The following CACNG2 variants were observed in gnomAD, a reference collection of about 807,000 sequenced individuals.
CACNG2 encodes calcium voltage-gated channel auxiliary subunit gamma 2.
CACNG2 carries 3 observed loss-of-function variants against 25.9 expected under a neutral mutation model. That is an observed-to-expected ratio of 0.12 (90% CI 0.05 to 0.30). The LOEUF is 0.30. Ranked by LOEUF, CACNG2 falls within the 10% of genes least tolerant of loss-of-function variation. CACNG2 has a pLI of 1.00. For synonymous variants in CACNG2, 167 were observed against 173.3 expected (o/e 0.96, Z 0.29); for missense variants, 341 against 432.5 (o/e 0.79, Z 1.88).
intron 1 of CACNG2, among the ~76,000 whole-genome samples, chr22:36,594,862 A>C (rs1292632884): frequency 1.5e-5 from 2 of 129,978 alleles, no homozygotes; most frequent in African/African-American, 3.0e-5. Flanking sequence ...GTGTGTGTGC[A>C]TGGGTGTTTG....
chr22:36,649,758 G>C (rs751043669), intron 1 of CACNG2, among the ~76,000 whole-genome samples: 31 of 152,156 alleles, frequency 2.0e-4, no homozygotes, highest in Admixed American at 9.8e-4. Context: ...TAAGTTTCAC[G>C]AGATATGGTG....
intron 1 of CACNG2, among the ~76,000 whole-genome samples, chr22:36,593,184 G>C (rs777956114): frequency 6.6e-6 from 1 of 152,210 alleles, no homozygotes; most frequent in African/African-American, 2.4e-5. Context: ...AGACTGATCG[G>C]TACAACAGTA....
At chr22:36,666,460 C>T (rs114619298) in intron 1 of CACNG2, among the ~76,000 whole-genome samples, 1 of 151,792 alleles carries the variant, frequency 6.6e-6, no homozygotes, top group African/African-American at 2.4e-5. Context: ...ACATGAGGTC[C>T]CCAGAATAGT....
At chr22:36,616,155 T>C (rs1285862298) in intron 1 of CACNG2, among the ~76,000 whole-genome samples, 1 of 152,210 alleles carries the variant, frequency 6.6e-6, no homozygotes, top group Non-Finnish European at 1.5e-5. Context: ...TCATCTGTGA[T>C]ATGGAGATAA....
intron 1 of CACNG2, among the ~76,000 whole-genome samples, chr22:36,592,866 C>T (rs532827986): frequency 1.3e-5 from 2 of 152,282 alleles, no homozygotes; most frequent in East Asian, 1.9e-4. Context: ...CCCAGGAGGT[C>T]AGGGCCGGGA....
At chr22:36,666,055 G>A (rs76468840) in intron 1 of CACNG2, among the ~76,000 whole-genome samples, 82 of 152,306 alleles carry the variant, frequency 5.4e-4, no homozygotes, top group Middle Eastern at 3.4e-3. Flanking sequence ...AGGCTGTTAC[G>A]TGCTACACCA....
intron 1 of CACNG2, among the ~76,000 whole-genome samples, chr22:36,591,109 T>C (rs1935584994): frequency 6.6e-6 from 1 of 151,594 alleles, no homozygotes; most frequent in Non-Finnish European, 1.5e-5. Context: ...CAATCTCGGC[T>C]CACTGCAAGC....
chr22:36,686,376 C>T (rs16997187), intron 1 of CACNG2, among the ~76,000 whole-genome samples: 3,060 of 152,312 alleles, frequency 0.02, 110 homozygotes, highest in East Asian at 0.13. Context: ...GGCTTCTCTT[C>T]GGTCAAATCC....
chr22:36,701,465 C>T (rs1414594420), intron 1 of CACNG2, among the ~76,000 whole-genome samples: 1 of 152,158 alleles, frequency 6.6e-6, no homozygotes, highest in Non-Finnish European at 1.5e-5. Flanking sequence ...CACAGACACA[C>T]ATGCCTCAAC....
intron 1 of CACNG2, among the ~76,000 whole-genome samples, chr22:36,589,905 A>G (rs1468684368): frequency 6.6e-6 from 1 of 152,158 alleles, no homozygotes; most frequent in African/African-American, 2.4e-5. Flanking sequence ...ATTACAAATC[A>G]GTGTATTTGA....
At chr22:36,663,892 C>T (rs1326784794) in intron 1 of CACNG2, among the ~76,000 whole-genome samples, 1 of 152,194 alleles carries the variant, frequency 6.6e-6, no homozygotes, top group Non-Finnish European at 1.5e-5. Flanking sequence ...CACCGATGCC[C>T]TGAAGAGGCT....
chr22:36,591,821 A>G (rs567708203), intron 1 of CACNG2, among the ~76,000 whole-genome samples: 1 of 152,094 alleles, frequency 6.6e-6, no homozygotes, highest in Non-Finnish European at 1.5e-5. Context: ...GGGACAGCAG[A>G]GCTCGTGGGT....
intron 1 of CACNG2, among the ~76,000 whole-genome samples, chr22:36,588,544 T>G (rs1394088439): frequency 6.6e-6 from 1 of 152,252 alleles, no homozygotes; most frequent in Non-Finnish European, 1.5e-5. Flanking sequence ...GCACAGTGAA[T>G]GTCCTTTAAC....
At chr22:36,681,469 T>C (rs1601453908) in intron 1 of CACNG2, among the ~76,000 whole-genome samples, 1 of 152,230 alleles carries the variant, frequency 6.6e-6, no homozygotes, top group East Asian at 1.9e-4. Flanking sequence ...GATCTGCACA[T>C]TGTTGACATC....
chr22:36,594,266 A>G (rs574330588), intron 1 of CACNG2, among the ~76,000 whole-genome samples: 3 of 152,222 alleles, frequency 2.0e-5, no homozygotes, highest in Non-Finnish European at 4.4e-5. Flanking sequence ...TTCCAGGCTC[A>G]CATTCTAGGG....
chr22:36,697,634 C>T (rs2146020236), intron 1 of CACNG2, among the ~76,000 whole-genome samples: 1 of 152,258 alleles, frequency 6.6e-6, no homozygotes, highest in South Asian at 2.1e-4. Flanking sequence ...GGTAGAGGAG[C>T]CGGGTTTGGC....
At position 36,679,892 on chromosome 22, in the gene CACNG2, G is replaced by A. The variant is rs147464851; in HGVS notation, c.211+22474C>T. On this transcript the variant is annotated intron_variant, in intron 1 of 3. Transcript: ENST00000300105. ...GAGTTGTTCCAAATGGTAGTTATTC[G>A]GATGATAACAATCCCTGTTATCATC... Among the ~76,000 whole-genome samples the A allele has an allele frequency of 1.9e-4, 29 of 152,026 alleles. No homozygotes were observed. The East Asian group carries it at 5.0e-3, about 26-fold the overall frequency.
Position 36,564,169 on chromosome 22 carries a change from TTGTTA to T in CACNG2, c.*177_*181del, listed in dbSNP as rs1416761302. 1 of 493,086 alleles carries T rather than the reference TTGTTA, an allele frequency of 2.0e-6. No homozygotes were observed. Among genetic ancestry groups the T allele is most frequent in the Non-Finnish European group, 3.5e-6 (1 of 287,084 alleles). 30.5% of individuals were successfully genotyped at this position (493,086 alleles called of 1,614,324 possible). ...TTTTGTTCTTTTTTTTAAAATTTACTTGTTATGTTTTTTCTCTTTTTTTGTGTGTG... is the reference window on the plus strand; with the variant it reads ...TTTTGTTCTTTTTTTTAAAATTTACTTGTTTTTTCTCTTTTTTTGTGTGTG... On this transcript the variant is annotated 3_prime_UTR_variant, in exon 4 of 4. Transcript: ENST00000300105. The surrounding 1 kb of genome is among the most constrained non-coding windows in gnomAD (Gnocchi z 6.7).
chr22:36,681,957 T>C (rs1318572380), intron 1 of CACNG2, among the ~76,000 whole-genome samples: 1 of 152,180 alleles, frequency 6.6e-6, no homozygotes, highest in Admixed American at 6.5e-5. Context: ...GGATGCCAAG[T>C]CTGCATGCTC....
Sources: allele counts gnomAD v4.1 joint callset (sites outside exome capture counted in the v4.1 genomes callset), GRCh38; gene constraint gnomAD v4.1.1; non-coding constraint Gnocchi (gnomAD v3.1); transcripts MANE v1.5; gene names NCBI Gene and HGNC (gene_info 2026-07-23, HGNC 2026-07-21).